The following AP1B1 variants were observed in gnomAD, a reference collection of about 807,000 sequenced individuals.
AP1B1 encodes AP-1 complex subunit beta-1.
Under a neutral mutation model 104.3 loss-of-function variants are expected in AP1B1, and 36 were observed. That is an observed-to-expected ratio of 0.35 (90% CI 0.26 to 0.46). The LOEUF is 0.46. Ranked by LOEUF, AP1B1 falls within the 20% of genes least tolerant of loss-of-function variation. The pLI, the probability that AP1B1 is intolerant of heterozygous loss-of-function variation, is 1.00. For synonymous variants in AP1B1, 504 were observed against 517.5 expected (o/e 0.97, Z 0.35); for missense variants, 901 against 1,247.9 (o/e 0.72, Z 4.19).
rs558750636 is a variant in AP1B1 at position 29,356,551 on chromosome 22, G to A, written c.591C>T (p.Leu197=). 155 of 1,614,202 alleles carry A rather than the reference G, an allele frequency of 9.6e-5. No homozygotes were observed. The highest frequency in any genetic ancestry group is 1.2e-4 in the Admixed American group (7 of 60,024). ...TGTTGATGGACTGTGGGTTCAGATC[G>A]AGCAGGTTGCTGCTGGGGTGAGACT... ...IAESHPSSNL[L]DLNPQSINKL... Residue 197 remains leucine, a synonymous_variant, in exon 6 of 23, where the codon CTC becomes CTT. Coordinates refer to ENST00000357586, the MANE Select transcript of AP1B1 (RefSeq NM_001127.4).
intron 1 of AP1B1, among the ~76,000 whole-genome samples, chr22:29,379,083 G>A (rs1195167296): frequency 1.3e-5 from 2 of 152,216 alleles, no homozygotes; most frequent in African/African-American, 4.8e-5. Context: ...GATGGGCGCA[G>A]TGGCTCATGC....
At position 29,328,602 on chromosome 22, in the gene AP1B1, C is replaced by A; in HGVS notation, c.*219G>T. The A allele has an allele frequency of 1.8e-6, 1 of 554,132 alleles. No homozygotes were observed. The allele number at this position is 554,132 out of a possible 1,614,324, so 34.3% of individuals were successfully genotyped here. A position where few individuals can be genotyped will look rare whatever the true frequency, so the allele number is the denominator to read the frequency against. On this transcript the variant is annotated 3_prime_UTR_variant, in exon 23 of 23. Transcript: ENST00000357586. This position sits in a 1 kb window ranked among gnomAD's most constrained non-coding sequence, Gnocchi z 4.1. ...TAACCCCACATCACAGCCACAGGAG[C>A]AGGGGTGTCCCAGAGCACGGGAGTG...
intron 1 of AP1B1, among the ~76,000 whole-genome samples, chr22:29,378,221 G>A (rs917084618): frequency 1.3e-5 from 2 of 152,104 alleles, no homozygotes; most frequent in African/African-American, 4.8e-5. Flanking sequence ...CGCTTGCCAA[G>A]TTATGGGCCT....
chr22:29,339,628 C>T (rs1364932155), intron 15 of AP1B1, 126 bp downstream of exon 15: 25 of 1,026,510 alleles, frequency 2.4e-5, no homozygotes, highest in Non-Finnish European at 3.3e-5. Flanking sequence ...GGATGCTGGA[C>T]CAAGGCAGGG....
chr22:29,342,503 C>T lies in AP1B1; in HGVS notation c.1438-120G>A, dbSNP rs2061729789. On this transcript the variant is annotated intron_variant, in intron 11 of 22. Coordinates refer to ENST00000357586, the MANE Select transcript of AP1B1 (RefSeq NM_001127.4). The stretch of plus-strand genomic sequence containing the variant: ...TCCCTGGAAGCCAAGCATAGCTATT[C>T]TAGGTTTGGGGCTGTCACGGCACAC... The T allele has an allele frequency of 3.7e-6, 3 of 802,694 alleles. No individual in the cohort carries two copies. The South Asian group carries it at 5.1e-5, about 14-fold the overall frequency. 49.7% of individuals were successfully genotyped at this position (802,694 alleles called of 1,614,324 possible).
At chr22:29,359,099 C>T (rs999389270) in intron 4 of AP1B1, 128 bp from the exon 5 acceptor site, 2 of 890,856 alleles carry the variant, frequency 2.2e-6, no homozygotes, top group Middle Eastern at 3.5e-4. Context: ...TGGATCTTCA[C>T]CAACTACAGC....
intron 1 of AP1B1, among the ~76,000 whole-genome samples, chr22:29,377,726 G>A (rs892142040): frequency 2.1e-4 from 32 of 151,444 alleles, no homozygotes; most frequent in Admixed American, 1.7e-3. Flanking sequence ...AAGGAGAATC[G>A]CTTGAACCTG....
At chr22:29,376,864 C>T (rs756872540) in intron 1 of AP1B1, among the ~76,000 whole-genome samples, 2 of 151,932 alleles carry the variant, frequency 1.3e-5, no homozygotes, top group Non-Finnish European at 2.9e-5. Context: ...GATGATGACG[C>T]TATTCACCAC....
chr22:29,352,097 G>T (rs1299755637), intron 7 of AP1B1, among the ~76,000 whole-genome samples: 5 of 152,206 alleles, frequency 3.3e-5, no homozygotes. Context: ...GAGGCAGCAG[G>T]CCCCATGGGA....
At position 29,351,196 on chromosome 22, in the gene AP1B1, A is replaced by G; in HGVS notation, c.1130T>C (p.Ile377Thr). The change falls in exon 9 of 23, where the codon ATT (isoleucine) becomes ACT (threonine). Residue 377 changes from isoleucine (I) to threonine (T), a missense_variant. Transcript: ENST00000357586. Reference protein sequence around the residue: ...VDFVRKAVRAIGRCAIKVEQS... With the variant: ...VDFVRKAVRATGRCAIKVEQS... ...CTCCACCTTGATGGCGCAGCGGCCAATAGCACGCACAGCCTTCCGTACAAA... is the reference window on the plus strand; with the variant it reads ...CTCCACCTTGATGGCGCAGCGGCCAGTAGCACGCACAGCCTTCCGTACAAA... 1 of 1,613,644 alleles carries G rather than the reference A, an allele frequency of 6.2e-7. No individual in the cohort carries two copies.
chr22:29,330,565 T>C (rs1250290027), intron 20 of AP1B1, 33 bp from the exon 21 acceptor site: 2 of 1,610,496 alleles, frequency 1.2e-6, no homozygotes, highest in East Asian at 4.5e-5. Flanking sequence ...GAGGCCCCAG[T>C]CAGCGCGGGG....
At chr22:29,329,829 C>A in intron 21 of AP1B1, 109 bp from the exon 22 acceptor site, 1 of 1,555,672 alleles carries the variant, frequency 6.4e-7, no homozygotes, top group Non-Finnish European at 8.7e-7. Context: ...CCAGCACTGC[C>A]AGCAGGACCC....
rs777224265 is a variant in AP1B1 at position 29,358,754 on chromosome 22, T to C, written c.497A>G (p.Lys166Arg). 3 of 1,613,938 alleles carry C rather than the reference T, an allele frequency of 1.9e-6. No individual in the cohort carries two copies. The highest frequency in any genetic ancestry group is 2.5e-6 in the Non-Finnish European group (3 of 1,179,964). The part of the protein sequence containing the change: ...VEDQGFLDTL[K>R]DLISDSNPMV... The stretch of plus-strand genomic sequence containing the variant: ...GGGGTTAGAGTCGGAGATGAGGTCT[T>C]TAAGGGTGTCCAGGAAGCCCTGGTC... The change falls in exon 5 of 23, where the codon AAA becomes AGA. Residue 166 changes from lysine to arginine, a missense_variant. Coordinates refer to ENST00000357586, the MANE Select transcript of AP1B1 (RefSeq NM_001127.4).
In AP1B1 at chr22:29,358,840, C is replaced by T; in HGVS notation, c.411G>A (p.Val137=). Residue 137 remains valine (V), a synonymous_variant, in exon 5 of 23, where the codon GTG becomes GTA. Coordinates refer to ENST00000357586, the MANE Select transcript of AP1B1 (RefSeq NM_001127.4). ...CCACGCACACAGCTGCTGTCTTGCG[C>T]ACATATGGATCCTCGTCCTTCAGGC... ...RKCLKDEDPY[V]RKTAAVCVAK... is the part of the protein sequence containing the mutation. The T allele has an allele frequency of 1.2e-6, 2 of 1,614,208 alleles. No homozygotes were observed. Among genetic ancestry groups the T allele is most frequent in the Non-Finnish European group, 1.7e-6 (2 of 1,180,040 alleles).
At chr22:29,342,183 T>TC in intron 12 of AP1B1, 102 bp downstream of exon 12, 1 of 950,548 alleles carries the variant, frequency 1.1e-6, no homozygotes, top group Non-Finnish European at 1.6e-6. Context: ...AAGATACCTG[T>TC]CTTAGGAGCG....
chr22:29,363,475 T>C (rs2062082960), intron 2 of AP1B1, among the ~76,000 whole-genome samples: 1 of 152,060 alleles, frequency 6.6e-6, no homozygotes, highest in South Asian at 2.1e-4. Context: ...TAGTGAAACC[T>C]TGTCTCTATT....
chr22:29,333,953 T>C lies in AP1B1; in HGVS notation c.2309+312A>G, dbSNP rs373924560. On this transcript the variant is annotated intron_variant, in intron 17 of 22. Coordinates refer to ENST00000357586, the MANE Select transcript of AP1B1 (RefSeq NM_001127.4). ...GGTGGTGTGCACCTGTAGTCCCAGT[T>C]ACTCGGGAGGCTGAGGCGGAAGAAT... 6.4e-4 allele frequency among the ~76,000 whole-genome samples: 98 copies of C among 152,186 alleles called. 2 individuals are homozygous for C. The South Asian group carries it at 0.02, about 30-fold the overall frequency.
chr22:29,336,229 A>C (rs1039833943), intron 16 of AP1B1, among the ~76,000 whole-genome samples: 8 of 152,168 alleles, frequency 5.3e-5, no homozygotes, highest in South Asian at 4.1e-4. Context: ...AGGGTGTGGA[A>C]ATGCATGAGG....
chr22:29,359,104 T>A, intron 4 of AP1B1, 133 bp from the exon 5 acceptor site: 1 of 893,926 alleles, frequency 1.1e-6, no homozygotes, highest in Non-Finnish European at 1.7e-6. Flanking sequence ...CTTCACCAAC[T>A]ACAGCCAACA....
Sources: gnomAD v4.1 joint callset for allele counts (sites outside exome capture counted in the v4.1 genomes callset) on GRCh38, gnomAD v4.1.1 for gene constraint, Gnocchi (gnomAD v3.1) non-coding constraint, MANE v1.5 for transcripts, NCBI Gene and HGNC (gene_info 2026-07-23, HGNC 2026-07-21) for gene names.